CACNB2: variants seen among roughly 807,000 people sequenced by gnomAD.
CACNB2 encodes the protein voltage-dependent L-type calcium channel subunit beta-2.
A neutral mutation model predicts 73.3 loss-of-function variants in CACNB2; 42 were observed. The ratio of observed to expected loss-of-function variants is 0.57; its 90% CI spans 0.45 to 0.74. The LOEUF is 0.74. Among genes scored for constraint, CACNB2 ranks in the 30% least tolerant of loss-of-function variants. CACNB2 has a pLI of 0.00. For synonymous variants in CACNB2, 348 were observed against 310.3 expected (o/e 1.12, Z -1.28); for missense variants, 940 against 853.0 (o/e 1.10, Z -1.27).
chr10:18,505,454 T>C (rs1289991887), intron 5 of CACNB2, among the ~76,000 whole-genome samples: 2 of 152,224 alleles, frequency 1.3e-5, no homozygotes, highest in African/African-American at 4.8e-5. Context: ...TTTTGATGTT[T>C]ATGCATTAAA....
intron 2 of CACNB2, among the ~76,000 whole-genome samples, chr10:18,350,533 C>T (rs1290126): frequency 0.44 from 66,138 of 151,950 alleles, 14,948 homozygotes; most frequent in Admixed American, 0.48. Flanking sequence ...GCTAGAGCAG[C>T]CGACGTTCCC....
At chr10:18,346,655 G>C in intron 2 of CACNB2, among the ~76,000 whole-genome samples, 1 of 152,052 alleles carries the variant, frequency 6.6e-6, no homozygotes, top group Non-Finnish European at 1.5e-5. Context: ...GGAGTGCAGC[G>C]ATATGATCTC....
intron 3 of CACNB2, among the ~76,000 whole-genome samples, chr10:18,445,264 C>G (rs539345820): frequency 1.6e-4 from 25 of 152,332 alleles, no homozygotes; most frequent in Non-Finnish European, 2.6e-4. Context: ...ACCCTGAGAA[C>G]TGGTACAAAT....
At chr10:18,238,586 T>C (rs2036535182) in intron 2 of CACNB2, 1 of 152,248 alleles carries the variant, frequency 6.6e-6, no homozygotes, top group Admixed American at 6.5e-5. Context: ...TAAAGGATTA[T>C]TTTAAATCTT....
chr10:18,244,225 A>G (rs2036774943), intron 2 of CACNB2, among the ~76,000 whole-genome samples: 1 of 152,210 alleles, frequency 6.6e-6, no homozygotes, highest in Non-Finnish European at 1.5e-5. Context: ...TAAAAACCCC[A>G]TCAAAAAAAG....
At chr10:18,319,573 C>T (rs541498619) in intron 2 of CACNB2, among the ~76,000 whole-genome samples, 15 of 151,842 alleles carry the variant, frequency 9.9e-5, no homozygotes, top group South Asian at 2.1e-4. Context: ...ATGTAACAAA[C>T]GTGTACATTC....
intron 2 of CACNB2, among the ~76,000 whole-genome samples, chr10:18,291,372 C>T (rs1162831268): frequency 1.3e-5 from 2 of 152,090 alleles, no homozygotes; most frequent in African/African-American, 2.4e-5. Flanking sequence ...ATTGAACAGC[C>T]GAGAGAGGAA....
chr10:18,208,305 C>G (rs921188094), intron 2 of CACNB2, among the ~76,000 whole-genome samples: 1 of 151,992 alleles, frequency 6.6e-6, no homozygotes, highest in South Asian at 2.1e-4. Flanking sequence ...TATCTGTACA[C>G]ACACAAAAAA....
At chr10:18,355,915 C>T (rs1230888073) in intron 2 of CACNB2, among the ~76,000 whole-genome samples, 1 of 152,116 alleles carries the variant, frequency 6.6e-6, no homozygotes, top group Non-Finnish European at 1.5e-5. Flanking sequence ...GGATTACAGG[C>T]GTGAGCCACC....
chr10:18,224,314 C>T (rs1041049388), intron 2 of CACNB2: 14 of 145,188 alleles, frequency 9.6e-5, no homozygotes, highest in South Asian at 4.5e-4. Flanking sequence ...CCTCCTCTTC[C>T]CTCCCTCTTT....
At chr10:18,191,477 G>A (rs1170294048) in intron 2 of CACNB2, among the ~76,000 whole-genome samples, 1 of 152,112 alleles carries the variant, frequency 6.6e-6, no homozygotes, top group Non-Finnish European at 1.5e-5. Flanking sequence ...TGGGGTACAG[G>A]TGGTATTTGG....
chr10:18,441,204 G>A (rs1331802186), intron 3 of CACNB2, among the ~76,000 whole-genome samples: 1 of 152,030 alleles, frequency 6.6e-6, no homozygotes, highest in East Asian at 1.9e-4. Context: ...AGGAGGTCGA[G>A]ACCATCCTGG....
At chr10:18,435,914 A>G (rs1169692677) in intron 3 of CACNB2, among the ~76,000 whole-genome samples, 1 of 151,514 alleles carries the variant, frequency 6.6e-6, no homozygotes, top group Non-Finnish European at 1.5e-5. Context: ...GAGCTCAACC[A>G]ATTCTGATCC....
In CACNB2 at chr10:18,539,605, A is replaced by C. The variant is rs1161241127; in HGVS notation, c.1864A>C (p.Asn622His). 1 of 1,613,916 alleles carries C rather than the reference A, an allele frequency of 6.2e-7. No homozygotes were observed. Among genetic ancestry groups the C allele is most frequent in the South Asian group, 1.1e-5 (1 of 91,066 alleles). ...TCGAGAGCAGGACCACAACGAGTGC[A>C]ACAAGCAGCGCAGCCGTCATAAATC... ...VDREQDHNEC[N>H]KQRSRHKSKD... The change falls in exon 14 of 14, where the codon AAC becomes CAC. Residue 622 changes from asparagine to histidine, a missense_variant. Transcript: ENST00000324631.
In CACNB2 at chr10:18,539,241, T is replaced by C. The variant is rs1199100046; in HGVS notation, c.1500T>C (p.Gly500=). ...TLASNSQGSQ[G]DQRTDRSAPI... is the part of the protein sequence containing the mutation. Reference sequence around the variant, plus strand: ...CCTTTCGCTGCCAGGGTTCTCAAGGTGATCAGAGGACTGATCGCTCCGCTC... The same window carrying C: ...CCTTTCGCTGCCAGGGTTCTCAAGGCGATCAGAGGACTGATCGCTCCGCTC... The change falls in exon 14 of 14, where the codon GGT becomes GGC. Residue 500 remains glycine (G), a synonymous_variant. Coordinates refer to ENST00000324631, the MANE Select transcript of CACNB2 (RefSeq NM_201596.3). The C allele has an allele frequency of 1.9e-6, 3 of 1,613,980 alleles. No homozygotes were observed. Among genetic ancestry groups the C allele is most frequent in the Middle Eastern group, 1.7e-4 (1 of 6,058 alleles).
intron 3 of CACNB2, among the ~76,000 whole-genome samples, chr10:18,447,990 TTTC>T (rs1317162781): frequency 6.6e-6 from 1 of 152,094 alleles, no homozygotes; most frequent in East Asian, 1.9e-4. Flanking sequence ...GGAAAGACAC[TTTC>T]TTTTTGTTTT....
intron 3 of CACNB2, among the ~76,000 whole-genome samples, chr10:18,488,390 A>G (rs1020888857): frequency 2.8e-5 from 4 of 145,002 alleles, no homozygotes; most frequent in Non-Finnish European, 6.0e-5. Context: ...CAGGAGAATG[A>G]CGTGAACCTG....
At chr10:18,242,106 T>C (rs954388445) in intron 2 of CACNB2, among the ~76,000 whole-genome samples, 3 of 52,594 alleles carry the variant, frequency 5.7e-5, no homozygotes, top group African/African-American at 2.8e-4. Flanking sequence ...TATATATATG[T>C]ATACATGTGT....
chr10:18,379,631 C>A (rs1021690860), intron 2 of CACNB2, among the ~76,000 whole-genome samples: 1 of 152,176 alleles, frequency 6.6e-6, no homozygotes, highest in Non-Finnish European at 1.5e-5. Flanking sequence ...AAACTCTGTG[C>A]CCATTAAGCA....
Sources: gnomAD v4.1 joint callset for allele counts (sites outside exome capture counted in the v4.1 genomes callset) on GRCh38, gnomAD v4.1.1 for gene constraint, MANE v1.5 for transcripts, NCBI Gene and HGNC (gene_info 2026-07-23, HGNC 2026-07-21) for gene names.